EEPD1: variants seen among roughly 807,000 people sequenced by gnomAD.
EEPD1 encodes the protein endonuclease/exonuclease/phosphatase family domain-containing protein 1.
EEPD1 carries 17 observed loss-of-function variants against 46.3 expected under a neutral mutation model. The observed-to-expected ratio is 0.37, with a 90% CI of 0.25 to 0.55. The LOEUF (loss-of-function observed/expected upper bound fraction) is 0.55, where lower values mean the gene tolerates loss of function less well. Ranked by LOEUF, EEPD1 falls within the 20% of genes least tolerant of loss-of-function variation. The pLI, the probability that EEPD1 is intolerant of heterozygous loss-of-function variation, is 0.83. For missense variants in EEPD1, 673 were observed against 745.6 expected, an observed-to-expected ratio of 0.90 and a Z score of 1.13; for synonymous variants, 313 against 315.6, an observed-to-expected ratio of 0.99 and a Z score of 0.09.
chr7:36,196,158 A>G (rs949410485), intron 2 of EEPD1, among the ~76,000 whole-genome samples: 1 of 152,242 alleles, frequency 6.6e-6, no homozygotes, highest in Non-Finnish European at 1.5e-5. Context: ...ACACCTATAT[A>G]TAGCACCATG....
intron 3 of EEPD1, among the ~76,000 whole-genome samples, chr7:36,254,981 G>T (rs1786805859): frequency 6.6e-6 from 1 of 152,134 alleles, no homozygotes; most frequent in Non-Finnish European, 1.5e-5. Flanking sequence ...TTTTGATGGG[G>T]TTGTTTGTTT....
intron 3 of EEPD1, among the ~76,000 whole-genome samples, chr7:36,274,729 G>T (rs1326107423): frequency 6.6e-6 from 1 of 152,108 alleles, no homozygotes; most frequent in Non-Finnish European, 1.5e-5. Context: ...AATGACCCCA[G>T]GCATTCCTCA....
intron 3 of EEPD1, among the ~76,000 whole-genome samples, chr7:36,262,990 G>A (rs1310956798): frequency 6.6e-6 from 1 of 152,122 alleles, no homozygotes; most frequent in Non-Finnish European, 1.5e-5. Context: ...GCTCATGTCT[G>A]ACTAGCTACA....
intron 3 of EEPD1, among the ~76,000 whole-genome samples, chr7:36,276,052 T>C (rs1439638883): frequency 3.3e-5 from 5 of 152,176 alleles, no homozygotes; most frequent in African/African-American, 1.2e-4. Flanking sequence ...TATCTGACTT[T>C]CAGAGGCATT....
intron 2 of EEPD1, among the ~76,000 whole-genome samples, chr7:36,236,549 G>T (rs1243793320): frequency 6.6e-6 from 1 of 152,228 alleles, no homozygotes; most frequent in African/African-American, 2.4e-5. Context: ...CCCAGGCTAG[G>T]TGCCACAAAG....
Position 36,299,162 on chromosome 7 carries a change from G to T in EEPD1, c.1666G>T (p.Val556Leu). Residue 556 changes from valine (V) to leucine (L), a missense_variant, in exon 8 of 8, where the codon GTG (valine) becomes TTG (leucine). Coordinates refer to ENST00000242108, the MANE Select transcript of EEPD1 (RefSeq NM_030636.3). ...KKDAPRNGSG[V>L]ALERSEANIK... The stretch of plus-strand genomic sequence containing the variant: ...GGATGCCCCTCGGAACGGCAGCGGG[G>T]TGGCCTTGGAGCGAAGTGAAGCCAA... 1 of 1,614,216 alleles carries T rather than the reference G, an allele frequency of 6.2e-7. No individual in the cohort carries two copies. Among genetic ancestry groups the T allele is most frequent in the East Asian group, 2.2e-5 (1 of 44,880 alleles).
chr7:36,164,893 C>T (rs1562670248), intron 2 of EEPD1, among the ~76,000 whole-genome samples: 1 of 152,144 alleles, frequency 6.6e-6, no homozygotes, highest in East Asian at 1.9e-4. Flanking sequence ...GTAGCAAAAA[C>T]TTATAAAGGA....
chr7:36,197,675 C>T (rs1314738198), intron 2 of EEPD1, among the ~76,000 whole-genome samples: 2 of 151,994 alleles, frequency 1.3e-5, no homozygotes, highest in Admixed American at 1.3e-4. Context: ...GGATTAAGGG[C>T]GGTGCAAGAT....
Position 36,299,239 on chromosome 7 carries a change from C to T in EEPD1, c.*33C>T, listed in dbSNP as rs561138594. Reference sequence around the variant, plus strand: ...AAATCCATGTGTCCACCCTGGGACCCAGGAGGGCACAGCCAAGGAATGAGC... The same window carrying T: ...AAATCCATGTGTCCACCCTGGGACCTAGGAGGGCACAGCCAAGGAATGAGC... On this transcript the variant is annotated 3_prime_UTR_variant, in exon 8 of 8. Transcript: ENST00000242108. The T allele has an allele frequency of 6.2e-7, 1 of 1,600,676 alleles. No homozygotes were observed. Among genetic ancestry groups the T allele is most frequent in the East Asian group, 2.3e-5 (1 of 44,204 alleles).
At chr7:36,219,796 A>AGTGTGTGT (rs1186303893) in intron 2 of EEPD1, among the ~76,000 whole-genome samples, 1 of 80,136 alleles carries the variant, frequency 1.2e-5, no homozygotes, top group African/African-American at 3.5e-5. Flanking sequence ...AGAGAGAGAG[A>AGTGTGTGT]GAGAGAGAGA....
At chr7:36,204,288 A>G (rs562884895) in intron 2 of EEPD1, among the ~76,000 whole-genome samples, 1 of 152,224 alleles carries the variant, frequency 6.6e-6, no homozygotes, top group East Asian at 1.9e-4. Context: ...CTCCCACCTC[A>G]GCGTCCCAAA....
At chr7:36,242,099 T>A (rs4723501) in intron 3 of EEPD1, among the ~76,000 whole-genome samples, 109,761 of 152,124 alleles carry the variant, frequency 0.72, 39,693 homozygotes, top group Admixed American at 0.75. Context: ...TCCTAACTAG[T>A]TTATCTTGGA....
At chr7:36,241,825 G>A (rs149959477) in intron 3 of EEPD1, among the ~76,000 whole-genome samples, 12 of 152,066 alleles carry the variant, frequency 7.9e-5, no homozygotes, top group African/African-American at 2.4e-4. Context: ...CCGAGATTGC[G>A]CCATTGCACT....
intron 2 of EEPD1, among the ~76,000 whole-genome samples, chr7:36,178,138 C>T (rs968683341): frequency 6.6e-6 from 1 of 152,200 alleles, no homozygotes; most frequent in Admixed American, 6.5e-5. Flanking sequence ...GTTCCTACCT[C>T]AGGAAACTGT....
intron 2 of EEPD1, among the ~76,000 whole-genome samples, chr7:36,179,860 G>A (rs1376597047): frequency 6.6e-6 from 1 of 152,216 alleles, no homozygotes; most frequent in Non-Finnish European, 1.5e-5. Flanking sequence ...GGCCTCCTCA[G>A]CAGTGTTGCT....
chr7:36,206,918 G>A (rs149445696), intron 2 of EEPD1, among the ~76,000 whole-genome samples: 191 of 152,150 alleles, frequency 1.3e-3, no homozygotes, highest in African/African-American at 4.1e-3. Flanking sequence ...GTGTGGTGGC[G>A]TGCACCTGTA....
At chr7:36,244,631 C>G (rs932726927) in intron 3 of EEPD1, among the ~76,000 whole-genome samples, 1 of 152,142 alleles carries the variant, frequency 6.6e-6, no homozygotes, top group Admixed American at 6.5e-5. Context: ...GTTCTCCTCC[C>G]GGTGTGGCCT....
intron 2 of EEPD1, among the ~76,000 whole-genome samples, chr7:36,178,761 C>T (rs1785225627): frequency 6.6e-6 from 1 of 152,188 alleles, no homozygotes; most frequent in East Asian, 1.9e-4. Flanking sequence ...GTGTGGCTTC[C>T]AACTGTGCCT....
chr7:36,275,253 C>T (rs983049776), intron 3 of EEPD1, among the ~76,000 whole-genome samples: 2 of 152,098 alleles, frequency 1.3e-5, no homozygotes, highest in Admixed American at 6.5e-5. Context: ...CTTTAAAATG[C>T]CTACCAGTAC....
Sources: gnomAD v4.1 joint callset for allele counts (sites outside exome capture counted in the v4.1 genomes callset) on GRCh38, gnomAD v4.1.1 for gene constraint, MANE v1.5 for transcripts, NCBI Gene and HGNC (gene_info 2026-07-23, HGNC 2026-07-21) for gene names.